SIPA1L3: variants seen among roughly 807,000 people sequenced by gnomAD.
SIPA1L3 encodes the protein signal-induced proliferation-associated 1-like protein 3.
In SIPA1L3, 59 loss-of-function variants were observed where a neutral mutation model predicts 150.1. That is an observed-to-expected ratio of 0.39 (90% CI 0.32 to 0.49). The LOEUF is 0.49. SIPA1L3 is among the 20% of genes least tolerant of loss of function. The pLI, the probability that SIPA1L3 is intolerant of heterozygous loss-of-function variation, is 0.86. For synonymous variants in SIPA1L3, 1,070 were observed against 1,077.6 expected (o/e 0.99, Z 0.14); for missense variants, 2,211 against 2,489.5 (o/e 0.89, Z 2.38).
At chr19:38,142,000 T>G (rs1178395774) in intron 11 of SIPA1L3, among the ~76,000 whole-genome samples, 1 of 152,016 alleles carries the variant, frequency 6.6e-6, no homozygotes, top group African/African-American at 2.4e-5. Context: ...ATAAAACTGT[T>G]ATTTTTAAGG....
At chr19:37,923,898 T>C (rs2046478382) in intron 1 of SIPA1L3, among the ~76,000 whole-genome samples, 1 of 152,166 alleles carries the variant, frequency 6.6e-6, no homozygotes, top group African/African-American at 2.4e-5. Flanking sequence ...TAGCTGGGAT[T>C]ACAGACACCT....
chr19:38,031,403 C>T (rs1968651202), intron 2 of SIPA1L3, among the ~76,000 whole-genome samples: 1 of 152,208 alleles, frequency 6.6e-6, no homozygotes, highest in African/African-American at 2.4e-5. Flanking sequence ...TAACCTCCTC[C>T]GATCTGGAAC....
intron 19 of SIPA1L3, chr19:38,200,929 A>G (rs1361853566): frequency 6.8e-6 from 1 of 147,206 alleles, no homozygotes; most frequent in Non-Finnish European, 1.5e-5. Flanking sequence ...CTCCATTTCA[A>G]AAAAAAAAAA....
intron 16 of SIPA1L3, among the ~76,000 whole-genome samples, chr19:38,183,766 A>G (rs1011159107): frequency 6.6e-6 from 1 of 151,034 alleles, no homozygotes; most frequent in South Asian, 2.1e-4. Flanking sequence ...ATGTTGAGCC[A>G]AAGTGAGAAG....
chr19:38,001,211 G>A (rs1388777644), intron 1 of SIPA1L3, among the ~76,000 whole-genome samples: 2 of 151,788 alleles, frequency 1.3e-5, no homozygotes, highest in Admixed American at 6.6e-5. Context: ...GTCCAGAGAC[G>A]TTTGCACCCC....
intron 13 of SIPA1L3, among the ~76,000 whole-genome samples, chr19:38,157,863 T>C (rs1019583228): frequency 1.3e-5 from 2 of 152,146 alleles, no homozygotes; most frequent in African/African-American, 4.8e-5. Context: ...TTTTCTGCCT[T>C]ATTGGAGCTG....
intron 8 of SIPA1L3, among the ~76,000 whole-genome samples, chr19:38,117,617 T>C (rs1357356392): frequency 7.1e-6 from 1 of 140,566 alleles, no homozygotes; most frequent in African/African-American, 2.8e-5. Flanking sequence ...ATACTCCATC[T>C]CAGAAAAAAA....
chr19:38,111,618 G>T (rs1288814531), intron 8 of SIPA1L3, among the ~76,000 whole-genome samples: 1 of 152,212 alleles, frequency 6.6e-6, no homozygotes, highest in Admixed American at 6.5e-5. Context: ...GCTGGGTGAG[G>T]GAAGGGAGGG....
chr19:37,915,495 C>T (rs887016337), intron 1 of SIPA1L3, among the ~76,000 whole-genome samples: 11 of 152,102 alleles, frequency 7.2e-5, no homozygotes, highest in South Asian at 2.1e-4. Context: ...GATTCTCCTG[C>T]CTCAGCCTCC....
At chr19:38,000,495 A>AAAAAAAAT (rs1243048317) in intron 1 of SIPA1L3, among the ~76,000 whole-genome samples, 3 of 150,842 alleles carry the variant, frequency 2.0e-5, no homozygotes, top group African/African-American at 7.3e-5. Flanking sequence ...AAAAAAAAAA[A>AAAAAAAAT]AAAGAACCTC....
At position 38,030,623 on chromosome 19, in the gene SIPA1L3, A is replaced by AATACATATATATATATATATATATATAT. The variant is rs1250170240; in HGVS notation, c.-311+1470_-311+1471insCATATATATATATATATATATATATATA. ...ATATTTTATATATATATATGTGGCA[A>AATACATATATATATATATATATATATAT]ATATATATATATATATATATATATA... On this transcript the variant is annotated intron_variant, in intron 2 of 21. Coordinates refer to ENST00000222345, the MANE Select transcript of SIPA1L3 (RefSeq NM_015073.3). Among the ~76,000 whole-genome samples the AATACATATATATATATATATATATATAT allele has an allele frequency of 4.1e-3, 175 of 42,556 alleles. 14 individuals are homozygous for AATACATATATATATATATATATATATAT. The highest frequency in any genetic ancestry group is 5.6e-3 in the Admixed American group (16 of 2,832). 27.9% of individuals were successfully genotyped at this position (42,556 alleles called of 152,430 possible). A position where few individuals can be genotyped will look rare whatever the true frequency, so the allele number is the denominator to read the frequency against.
At position 38,134,707 on chromosome 19, in the gene SIPA1L3, GAAAAAAAAAA is replaced by G. The variant is rs3083628; in HGVS notation, c.3143+3951_3143+3960del. ...ATGACAGAGCGAGACTCTGTTTCAG[GAAAAAAAAAA>G]AAAAAAAAAAAAAAAGGCACGTGGG... On this transcript the variant is annotated intron_variant, in intron 10 of 21. Transcript: ENST00000222345. Among the ~76,000 whole-genome samples the G allele has an allele frequency of 4.4e-5, 4 of 91,046 alleles. No homozygotes were observed. In the East Asian group the frequency reaches 9.7e-4, roughly 22 times the overall value. 59.7% of individuals were successfully genotyped at this position (91,046 alleles called of 152,430 possible). A position where few individuals can be genotyped will look rare whatever the true frequency, so the allele number is the denominator to read the frequency against.
Position 38,142,650 on chromosome 19 carries a change from C to G in SIPA1L3, c.3473C>G (p.Ser1158Cys), listed in dbSNP as rs1971617943. 1.2e-6 allele frequency: 2 copies of G among 1,613,998 alleles called. No homozygotes were observed. The highest frequency in any genetic ancestry group is 1.7e-6 in the Non-Finnish European group (2 of 1,179,976). Residue 1158 changes from serine to cysteine, a missense_variant, in exon 12 of 22, where the codon TCT becomes TGT. By Grantham distance (112) the Ser-to-Cys change is moderately radical. Transcript: ENST00000222345. The stretch of plus-strand genomic sequence containing the variant: ...AGAGTCCCTCCCTACCGACAGCCTT[C>G]TGGGAGCTTCTCCACCCCCGGTTCG... ...ADRVPPYRQPSGSFSTPGSAT... is the reference protein window; with the variant it reads ...ADRVPPYRQPCGSFSTPGSAT...
intron 2 of SIPA1L3, among the ~76,000 whole-genome samples, chr19:38,029,836 TGAACTGCCCACCTCGGCCTC>T (rs1968604601): frequency 6.7e-6 from 1 of 148,752 alleles, no homozygotes; most frequent in Non-Finnish European, 1.5e-5. Flanking sequence ...CGACCTCAGG[TGAACTGCCCACCTCGGCCTC>T]TTTTTTTTTT....
chr19:38,146,476 GT>G (rs1379068792), intron 12 of SIPA1L3, among the ~76,000 whole-genome samples: 2 of 152,178 alleles, frequency 1.3e-5, no homozygotes, highest in Non-Finnish European at 2.9e-5. Flanking sequence ...CATTTGGGTA[GT>G]TTCCGAGTTT....
intron 7 of SIPA1L3, 86 bp from the exon 8 acceptor site, chr19:38,110,141 T>A: frequency 2.4e-6 from 3 of 1,237,292 alleles, no homozygotes; most frequent in Middle Eastern, 1.9e-4. Context: ...TGGGGGTGGG[T>A]GGGGGGAGCT....
chr19:38,071,259 A>ATCTG (rs1159501055), intron 2 of SIPA1L3, among the ~76,000 whole-genome samples: 22 of 136,950 alleles, frequency 1.6e-4, no homozygotes, highest in African/African-American at 6.1e-4. Flanking sequence ...CTATCTATCT[A>ATCTG]TCTATCTGCC....
chr19:38,180,062 C>A (rs1005733528), intron 15 of SIPA1L3, among the ~76,000 whole-genome samples: 5 of 152,136 alleles, frequency 3.3e-5, no homozygotes, highest in Non-Finnish European at 7.3e-5. Context: ...GCTGCGAGCT[C>A]TCCTGACAGG....
At chr19:37,997,853 A>G (rs1228331715) in intron 1 of SIPA1L3, among the ~76,000 whole-genome samples, 1 of 148,666 alleles carries the variant, frequency 6.7e-6, no homozygotes, top group Non-Finnish European at 1.5e-5. Flanking sequence ...CGACAGAGCG[A>G]GACTCCATCT....
Sources: gnomAD v4.1 joint callset for allele counts (sites outside exome capture counted in the v4.1 genomes callset) on GRCh38, gnomAD v4.1.1 for gene constraint, MANE v1.5 for transcripts, NCBI Gene and HGNC (gene_info 2026-07-23, HGNC 2026-07-21) for gene names.